SNX24: variants seen among roughly 807,000 people sequenced by gnomAD.
SNX24 encodes sorting nexin 24.
In SNX24, 22 loss-of-function variants were observed where a neutral mutation model predicts 28.7. The observed-to-expected ratio is 0.77, with a 90% CI of 0.55 to 1.10. The LOEUF is 1.10. Among genes scored for constraint, SNX24 ranks in the 50% least tolerant of loss-of-function variants. The pLI is 0.00. For missense variants in SNX24, 221 were observed against 201.1 expected (o/e 1.10, Z -0.60); for synonymous variants, 69 against 71.5 (o/e 0.96, Z 0.18).
chr5:122,872,665 T>A (rs1053766203), intron 1 of SNX24, among the ~76,000 whole-genome samples: 1 of 152,134 alleles, frequency 6.6e-6, no homozygotes, highest in African/African-American at 2.4e-5. Context: ...TAAAGGGTTG[T>A]TATATATTAT....
intron 1 of SNX24, among the ~76,000 whole-genome samples, chr5:122,916,645 G>A (rs1037398875): frequency 6.6e-6 from 1 of 152,114 alleles, no homozygotes; most frequent in Non-Finnish European, 1.5e-5. Context: ...TTCCATACCT[G>A]ATGACACCCC....
chr5:122,866,385 G>A (rs984052277), intron 1 of SNX24, among the ~76,000 whole-genome samples: 2 of 152,202 alleles, frequency 1.3e-5, no homozygotes, highest in Non-Finnish European at 2.9e-5. Flanking sequence ...CTGAACTCAA[G>A]TGATCTGCTC....
intron 3 of SNX24, among the ~76,000 whole-genome samples, chr5:122,967,528 G>A (rs1400009906): frequency 6.6e-6 from 1 of 152,186 alleles, no homozygotes; most frequent in Non-Finnish European, 1.5e-5. Flanking sequence ...CCCCTGGGGA[G>A]CAGAAAGCAG....
chr5:122,945,675 AAGAC>A (rs1759649534), intron 2 of SNX24, among the ~76,000 whole-genome samples: 1 of 152,220 alleles, frequency 6.6e-6, no homozygotes, highest in Non-Finnish European at 1.5e-5. Flanking sequence ...AACATGTAGA[AAGAC>A]TTCTTATCAG....
At chr5:122,871,158 T>C (rs561561069) in intron 1 of SNX24, among the ~76,000 whole-genome samples, 41 of 152,298 alleles carry the variant, frequency 2.7e-4, no homozygotes, top group African/African-American at 9.4e-4. Flanking sequence ...CAGCACATAT[T>C]ATTAATAAGT....
At chr5:122,874,867 C>T (rs1485524441) in intron 1 of SNX24, among the ~76,000 whole-genome samples, 1 of 152,210 alleles carries the variant, frequency 6.6e-6, no homozygotes, top group Admixed American at 6.5e-5. Flanking sequence ...GTAACTGCTT[C>T]ATAACCAATA....
chr5:122,871,123 G>A (rs1755956416), intron 1 of SNX24, among the ~76,000 whole-genome samples: 1 of 152,190 alleles, frequency 6.6e-6, no homozygotes, highest in Non-Finnish European at 1.5e-5. Context: ...TGCTTTTGGA[G>A]TTTATTAAGG....
chr5:123,007,697 T>C lies in SNX24; in HGVS notation c.458T>C (p.Val153Ala), dbSNP rs763531056. 1 of 1,587,268 alleles carries C rather than the reference T, an allele frequency of 6.3e-7. No individual in the cohort carries two copies. Among genetic ancestry groups the C allele is most frequent in the Non-Finnish European group, 8.5e-7 (1 of 1,170,954 alleles). ...TTTTTTTCAGATTTTCCAAATGTGG[T>C]TATTGAAGGAGTCCTCCATGGGATA... ...LPAASDFPNVVIEGVLHGIFY... is the reference protein window; with the variant it reads ...LPAASDFPNVAIEGVLHGIFY... The change falls in exon 7 of 7, where the codon GTT becomes GCT. Residue 153 changes from valine to alanine, a missense_variant. Transcript: ENST00000261369.
At chr5:122,852,249 T>C (rs181776532) in intron 1 of SNX24, among the ~76,000 whole-genome samples, 1 of 152,150 alleles carries the variant, frequency 6.6e-6, no homozygotes, top group African/African-American at 2.4e-5. Context: ...TGTGCCGTGG[T>C]GGTTTGCTGA....
intron 1 of SNX24, among the ~76,000 whole-genome samples, chr5:122,910,732 C>T (rs1303152766): frequency 3.4e-5 from 5 of 148,740 alleles, no homozygotes; most frequent in Admixed American, 2.7e-4. Flanking sequence ...CGTTTTTTGT[C>T]CTTGCGATAG....
At chr5:122,933,909 A>G (rs1759072379) in intron 1 of SNX24, among the ~76,000 whole-genome samples, 1 of 151,682 alleles carries the variant, frequency 6.6e-6, no homozygotes, top group African/African-American at 2.4e-5. Flanking sequence ...CAGCCTGCCA[A>G]GTAGCTGGGA....
At chr5:123,025,996 C>T (rs374975681) in intron 5 of SNX24, 7 of 1,557,486 alleles carry the variant, frequency 4.5e-6, no homozygotes, top group African/African-American at 2.8e-5. Flanking sequence ...AGAAAGTCAA[C>T]AGATGTCTTC....
chr5:123,000,118 T>C, intron 4 of SNX24, 112 bp downstream of exon 4: 1 of 736,060 alleles, frequency 1.4e-6, no homozygotes, highest in Non-Finnish European at 2.4e-6. Flanking sequence ...CCACGCCCAC[T>C]CTTTTGGCTT....
chr5:122,860,045 C>T (rs1208513263), intron 1 of SNX24, among the ~76,000 whole-genome samples: 1 of 152,176 alleles, frequency 6.6e-6, no homozygotes, highest in African/African-American at 2.4e-5. Context: ...CTTAGTTAAT[C>T]TCTTTAGGAT....
intron 5 of SNX24, among the ~76,000 whole-genome samples, chr5:123,018,282 TTC>T (rs1762714743): frequency 6.6e-6 from 1 of 152,054 alleles, no homozygotes; most frequent in African/African-American, 2.4e-5. Context: ...GGCTGACCAG[TTC>T]TTCCTCCTTT....
chr5:123,019,062 C>T (rs529489074), intron 5 of SNX24, among the ~76,000 whole-genome samples: 57 of 152,218 alleles, frequency 3.7e-4, no homozygotes, highest in Middle Eastern at 3.4e-3. Flanking sequence ...ATTCCTGGGA[C>T]TAGTCACTCC....
intron 1 of SNX24, among the ~76,000 whole-genome samples, chr5:122,906,699 G>A (rs1198673305): frequency 6.6e-6 from 1 of 152,136 alleles, no homozygotes; most frequent in Non-Finnish European, 1.5e-5. Flanking sequence ...GTAGAGATGG[G>A]GTTTCACCAT....
intron 3 of SNX24, among the ~76,000 whole-genome samples, chr5:122,990,261 G>T (rs903647386): frequency 3.9e-5 from 6 of 152,144 alleles, no homozygotes; most frequent in Non-Finnish European, 2.9e-5. Flanking sequence ...CTAAATTCAT[G>T]TAAAGCATCA....
At chr5:122,852,727 G>C (rs183051251) in intron 1 of SNX24, among the ~76,000 whole-genome samples, 17 of 152,246 alleles carry the variant, frequency 1.1e-4, no homozygotes, top group South Asian at 2.1e-4. Context: ...AGCCCTAGTT[G>C]ATTTTTCAAC....
Sources: allele counts gnomAD v4.1 joint callset (sites outside exome capture counted in the v4.1 genomes callset), GRCh38; gene constraint gnomAD v4.1.1; transcripts MANE v1.5; gene names NCBI Gene and HGNC (gene_info 2026-07-23, HGNC 2026-07-21).